THOC1: variants seen among roughly 807,000 people sequenced by gnomAD.
THOC1 encodes the protein THO complex subunit 1, also known as THO complex 1.
A neutral mutation model predicts 97.3 loss-of-function variants in THOC1; 29 were observed. The observed-to-expected ratio is 0.30, with a 90% CI of 0.22 to 0.41. The LOEUF (loss-of-function observed/expected upper bound fraction) is 0.41. Among genes scored for constraint, THOC1 ranks in the 10% least tolerant of loss-of-function variants. THOC1 has a pLI of 1.00. For missense variants in THOC1, 529 were observed against 761.9 expected (o/e 0.69, Z 3.60); for synonymous variants, 255 against 257.0 (o/e 0.99, Z 0.07).
At chr18:251,249 C>T (rs1912270662) in intron 9 of THOC1, among the ~76,000 whole-genome samples, 1 of 152,164 alleles carries the variant, frequency 6.6e-6, no homozygotes, top group Non-Finnish European at 1.5e-5. Context: ...TGGAGTTAAG[C>T]TTGGAGCCAC....
At chr18:237,117 G>C (rs907587313) in intron 11 of THOC1, among the ~76,000 whole-genome samples, 1 of 150,514 alleles carries the variant, frequency 6.6e-6, no homozygotes, top group African/African-American at 2.4e-5. Context: ...TGTGTGGCTT[G>C]AGAGATTTCT....
chr18:228,782 G>A (rs1268935759), intron 11 of THOC1, among the ~76,000 whole-genome samples: 2 of 152,186 alleles, frequency 1.3e-5, no homozygotes, highest in South Asian at 2.1e-4. Flanking sequence ...AAAGTGAGGT[G>A]CCTGAGTGAA....
At position 214,553 on chromosome 18, in the gene THOC1, A is replaced by G. The variant is rs1228802979; in HGVS notation, c.*73T>C. 6 of 1,219,432 alleles carry G rather than the reference A, an allele frequency of 4.9e-6. No individual in the cohort carries two copies. In the African/African-American group the frequency reaches 9.1e-5, roughly 19 times the overall value. The allele number at this position is 1,219,432 out of a possible 1,614,324, so 75.5% of individuals were successfully genotyped here. ...AAAATGTTTATTGTTTACCAAAACC[A>G]GTGGACCTCTTATCAAATGCTGCTT... is the stretch of plus-strand genomic sequence containing the variant. On this transcript the variant is annotated 3_prime_UTR_variant, in exon 21 of 21. Coordinates refer to ENST00000261600, the MANE Select transcript of THOC1 (RefSeq NM_005131.3).
chr18:224,249 G>A (rs996135997), intron 15 of THOC1, 70 bp from the exon 16 acceptor site: 37 of 1,194,270 alleles, frequency 3.1e-5, no homozygotes, highest in East Asian at 1.3e-4. Flanking sequence ...AATGTTTAAC[G>A]TAAAAGAAAA....
intron 11 of THOC1, chr18:245,064 T>A (rs768639967): frequency 5.9e-5 from 9 of 152,224 alleles, no homozygotes; most frequent in Non-Finnish European, 1.5e-5. Context: ...TTTTGTTTCA[T>A]GATTTCTTGT....
intron 11 of THOC1, among the ~76,000 whole-genome samples, chr18:227,393 C>T (rs545657758): frequency 1.3e-5 from 2 of 151,954 alleles, no homozygotes; most frequent in Non-Finnish European, 2.9e-5. Flanking sequence ...AAAGAAGATA[C>T]GGATAACAGC....
chr18:257,249 T>A (rs1567856249), intron 7 of THOC1, among the ~76,000 whole-genome samples: 1 of 152,232 alleles, frequency 6.6e-6, no homozygotes, highest in Non-Finnish European at 1.5e-5. Flanking sequence ...TTATTATTCA[T>A]GACTATTCCA....
rs1197789287 is a variant in THOC1 at position 259,199 on chromosome 18, G to C, written c.501C>G (p.Phe167Leu). The change falls in exon 7 of 21, where the codon TTC becomes TTG. Residue 167 changes from phenylalanine (F) to leucine (L), a missense_variant. Coordinates refer to ENST00000261600, the MANE Select transcript of THOC1 (RefSeq NM_005131.3). ...GCTTACCTGATTTCTCAGACAGAGGGAAAAGCCTGGCCAAAAAGAGCTGAA... is the reference window on the plus strand; with the variant it reads ...GCTTACCTGATTTCTCAGACAGAGGCAAAAGCCTGGCCAAAAAGAGCTGAA... ...GRIQLFLARLFPLSEKSGLNL... is the reference protein window; with the variant it reads ...GRIQLFLARLLPLSEKSGLNL... 1 of 1,612,052 alleles carries C rather than the reference G, an allele frequency of 6.2e-7. No homozygotes were observed. The highest frequency in any genetic ancestry group is 2.2e-5 in the East Asian group (1 of 44,794).
At chr18:217,872 C>T (rs1910947974) in intron 18 of THOC1, among the ~76,000 whole-genome samples, 1 of 152,112 alleles carries the variant, frequency 6.6e-6, no homozygotes, top group Admixed American at 6.6e-5. Flanking sequence ...AAGAGGCCTG[C>T]TGTGGTTAAA....
At chr18:224,578 CAA>C (rs11339735) in intron 15 of THOC1, among the ~76,000 whole-genome samples, 247 of 125,936 alleles carry the variant, frequency 2.0e-3, no homozygotes, top group Admixed American at 1.5e-3. Context: ...GACTCCCTCT[CAA>C]AAAAAAAAAA....
chr18:224,610 A>G (rs1417083090), intron 15 of THOC1, among the ~76,000 whole-genome samples: 3 of 151,986 alleles, frequency 2.0e-5, no homozygotes, highest in African/African-American at 4.8e-5. Flanking sequence ...ACTTCATATT[A>G]TGATAGAACA....
At chr18:258,839 T>C (rs1410204609) in intron 7 of THOC1, among the ~76,000 whole-genome samples, 1 of 152,102 alleles carries the variant, frequency 6.6e-6, no homozygotes, top group Non-Finnish European at 1.5e-5. Context: ...AAAGGAAGTC[T>C]ATATAGCTAA....
At chr18:232,190 A>T in intron 11 of THOC1, among the ~76,000 whole-genome samples, 1 of 152,094 alleles carries the variant, frequency 6.6e-6, no homozygotes, top group Non-Finnish European at 1.5e-5. Flanking sequence ...TGACCTCCTG[A>T]GCTCAAGTGA....
At chr18:253,557 G>A (rs1912346065) in intron 8 of THOC1, among the ~76,000 whole-genome samples, 3 of 152,172 alleles carry the variant, frequency 2.0e-5, no homozygotes, top group Admixed American at 1.3e-4. Context: ...TCCTGGTATG[G>A]TGAGACAGAG....
chr18:266,274 G>A (rs1912764325), intron 1 of THOC1, among the ~76,000 whole-genome samples: 1 of 152,254 alleles, frequency 6.6e-6, no homozygotes, highest in Non-Finnish European at 1.5e-5. Context: ...TCCATTCCTT[G>A]CTCTGCCACT....
Position 216,486 on chromosome 18 carries a change from C to A in THOC1, c.1602G>T (p.Pro534=), listed in dbSNP as rs755407022. Residue 534 remains proline (P), a splice_region_variant and synonymous_variant, in exon 19 of 21, where the codon CCG becomes CCT. Transcript: ENST00000261600. The part of the protein sequence containing the change: ...NMVIKLAKEL[P]PPSEEIKTGE... ...TGAAAAGTTGATCTATGGTACTTACCGGTAATTCCTTGGCTAGCTTTATTA... is the reference window on the plus strand; with the variant it reads ...TGAAAAGTTGATCTATGGTACTTACAGGTAATTCCTTGGCTAGCTTTATTA... 2 of 1,613,338 alleles carry A rather than the reference C, an allele frequency of 1.2e-6. No homozygotes were observed. Among genetic ancestry groups the A allele is most frequent in the Non-Finnish European group, 1.7e-6 (2 of 1,179,622 alleles).
At chr18:216,088 G>A (rs1252634590) in intron 19 of THOC1, 1 of 164,322 alleles carries the variant, frequency 6.1e-6, no homozygotes, top group Admixed American at 6.1e-5. Context: ...TGAGTAGCTG[G>A]GACTACAGGC....
intron 7 of THOC1, among the ~76,000 whole-genome samples, chr18:256,889 A>G (rs1257276676): frequency 6.6e-6 from 1 of 152,198 alleles, no homozygotes; most frequent in Non-Finnish European, 1.5e-5. Flanking sequence ...AAATTGTCAT[A>G]GCCAGCCCAA....
chr18:215,600 G>GT, intron 19 of THOC1, 96 bp from the exon 20 acceptor site: 1 of 967,982 alleles, frequency 1.0e-6, no homozygotes, highest in Non-Finnish European at 1.6e-6. Flanking sequence ...GAGATTCCAA[G>GT]TACAGGGTGC....
Sources: allele counts gnomAD v4.1 joint callset (sites outside exome capture counted in the v4.1 genomes callset), GRCh38; gene constraint gnomAD v4.1.1; transcripts MANE v1.5; gene names NCBI Gene and HGNC (gene_info 2026-07-23, HGNC 2026-07-21).